Variants in CTNND2 observed in about 807,000 individuals in gnomAD.
CTNND2 encodes the protein catenin delta 2.
CTNND2 carries 22 observed loss-of-function variants against 144.4 expected under a neutral mutation model. That is an observed-to-expected ratio of 0.15 (90% CI 0.11 to 0.22). The LOEUF (loss-of-function observed/expected upper bound fraction) is 0.22, where lower values mean the gene tolerates loss of function less well. CTNND2 is among the 10% of genes least tolerant of loss of function. CTNND2 has a pLI of 1.00. For synonymous variants in CTNND2, 751 were observed against 695.6 expected (o/e 1.08, Z -1.25); for missense variants, 1,353 against 1,618.8 (o/e 0.84, Z 2.82).
At position 11,624,302 on chromosome 5, in the gene CTNND2, A is replaced by G. The variant is rs147308481; in HGVS notation, c.175-59246T>C. Among the ~76,000 whole-genome samples, 268 of 152,274 alleles carry G rather than the reference A, an allele frequency of 1.8e-3. 1 individual carries two copies. The highest frequency in any genetic ancestry group is 3.5e-3 in the Non-Finnish European group (239 of 67,974). ...TTGACCAATACTGAACAGTAGTCACATAAGAACTCTCAGGTCATCTCCTTT... is the reference window on the plus strand; with the variant it reads ...TTGACCAATACTGAACAGTAGTCACGTAAGAACTCTCAGGTCATCTCCTTT... On this transcript the variant is annotated intron_variant, in intron 2 of 21. Transcript: ENST00000304623.
chr5:11,343,643 C>T (rs1435633932), intron 9 of CTNND2, among the ~76,000 whole-genome samples: 7 of 152,082 alleles, frequency 4.6e-5, no homozygotes, highest in African/African-American at 9.7e-5. Flanking sequence ...GATGTAGGTC[C>T]GCACACTCAC....
At chr5:11,690,693 G>A (rs979749207) in intron 2 of CTNND2, among the ~76,000 whole-genome samples, 20 of 128,788 alleles carry the variant, frequency 1.6e-4, no homozygotes, top group Admixed American at 4.0e-4. Context: ...CCGAGATTGC[G>A]CCACTGCAGT....
intron 11 of CTNND2, among the ~76,000 whole-genome samples, chr5:11,169,058 GC>G (rs1759636932): frequency 6.6e-6 from 1 of 152,134 alleles, no homozygotes; most frequent in African/African-American, 2.4e-5. Flanking sequence ...GAACTAGAGA[GC>G]TGGCTTATCA....
intron 3 of CTNND2, among the ~76,000 whole-genome samples, chr5:11,423,796 G>A (rs777220645): frequency 2.6e-5 from 4 of 152,122 alleles, no homozygotes; most frequent in Non-Finnish European, 4.4e-5. Flanking sequence ...CATTTGCTAT[G>A]ATTTTATTAA....
rs546692760 is a variant in CTNND2, at chr5:11,553,618, C to T, written c.287+11326G>A. ...ATTTCAAGGCAAAGCTAGGAAATAT[C>T]ATAAAAACATAACAATGAAATTTAG... is the stretch of plus-strand genomic sequence containing the variant. On this transcript the variant is annotated intron_variant, in intron 3 of 21. Coordinates refer to ENST00000304623, the MANE Select transcript of CTNND2 (RefSeq NM_001332.4). Among the ~76,000 whole-genome samples, 445 of 152,110 alleles carry T rather than the reference C, an allele frequency of 2.9e-3. 2 individuals carry two copies. The highest frequency in any genetic ancestry group is 0.01 in the African/African-American group (428 of 41,522).
intron 9 of CTNND2, among the ~76,000 whole-genome samples, chr5:11,319,420 C>T (rs756509920): frequency 1.2e-4 from 19 of 152,256 alleles, no homozygotes; most frequent in South Asian, 4.1e-4. Context: ...GTCTATTCAA[C>T]GGATATCCTA....
chr5:11,550,223 A>G (rs1208820409), intron 3 of CTNND2, among the ~76,000 whole-genome samples: 1 of 152,206 alleles, frequency 6.6e-6, no homozygotes, highest in Non-Finnish European at 1.5e-5. Flanking sequence ...ATCACTAGTA[A>G]TATGCAGAGC....
intron 3 of CTNND2, among the ~76,000 whole-genome samples, chr5:11,502,232 C>T (rs1008171223): frequency 2.0e-5 from 3 of 152,054 alleles, no homozygotes; most frequent in Non-Finnish European, 4.4e-5. Flanking sequence ...TGAAAATTTG[C>T]TATGAAGTCC....
intron 1 of CTNND2, among the ~76,000 whole-genome samples, chr5:11,736,402 C>T (rs1177694636): frequency 2.6e-5 from 4 of 152,118 alleles, no homozygotes; most frequent in African/African-American, 4.8e-5. Flanking sequence ...ACAGAGCTAC[C>T]GCTACCTAAA....
chr5:11,476,023 C>T (rs1463643458), intron 3 of CTNND2, among the ~76,000 whole-genome samples: 1 of 149,704 alleles, frequency 6.7e-6, no homozygotes, highest in East Asian at 1.9e-4. Flanking sequence ...CCATGCCCGG[C>T]TAATTTTTCT....
At chr5:11,575,401 T>C (rs565347972) in intron 2 of CTNND2, among the ~76,000 whole-genome samples, 1 of 152,316 alleles carries the variant, frequency 6.6e-6, no homozygotes, top group East Asian at 1.9e-4. Context: ...AGATCACTTT[T>C]ATAGCACTTC....
intron 9 of CTNND2, among the ~76,000 whole-genome samples, chr5:11,285,830 G>A (rs560133243): frequency 5.0e-4 from 34 of 67,364 alleles, no homozygotes; most frequent in African/African-American, 1.9e-3. Context: ...AAGCCAGGGG[G>A]TTTATTTCCA....
At position 11,080,703 on chromosome 5, in the gene CTNND2, C is replaced by A. The variant is rs56259346; in HGVS notation, c.2788+1993G>T. ...ATGGATGAACCTGGAGGACATTATG[C>A]TAAGTGAAATGAGCCACTTACATAT... On this transcript the variant is annotated intron_variant, in intron 16 of 21. Coordinates refer to ENST00000304623, the MANE Select transcript of CTNND2 (RefSeq NM_001332.4). Among the ~76,000 whole-genome samples, 85 of 152,320 alleles carry A rather than the reference C, an allele frequency of 5.6e-4. 1 individual carries two copies. Among genetic ancestry groups the A allele is most frequent in the African/African-American group, 1.9e-3 (81 of 41,580 alleles).
intron 16 of CTNND2, among the ~76,000 whole-genome samples, chr5:11,047,325 A>ATG (rs1372281845): frequency 1.3e-5 from 2 of 152,186 alleles, no homozygotes; most frequent in Admixed American, 6.5e-5. Flanking sequence ...CAATCACATC[A>ATG]CATACAGTTC....
At chr5:11,893,824 A>C (rs1360292548) in intron 1 of CTNND2, among the ~76,000 whole-genome samples, 1 of 152,214 alleles carries the variant, frequency 6.6e-6, no homozygotes, top group Non-Finnish European at 1.5e-5. Context: ...CACACAACCC[A>C]TGCTAAACTG....
chr5:11,827,745 CACA>C (rs1418236403), intron 1 of CTNND2, among the ~76,000 whole-genome samples: 5 of 152,156 alleles, frequency 3.3e-5, no homozygotes, highest in East Asian at 3.8e-4. Context: ...AGGGGAATTG[CACA>C]ACAAGTATAA....
intron 1 of CTNND2, among the ~76,000 whole-genome samples, chr5:11,778,723 A>G (rs1200043648): frequency 6.6e-6 from 1 of 152,318 alleles, no homozygotes; most frequent in East Asian, 1.9e-4. Flanking sequence ...TGGAAAAGGA[A>G]AAGGATACTG....
At chr5:11,129,262 A>AATATATATT (rs1755285043) in intron 12 of CTNND2, among the ~76,000 whole-genome samples, 2 of 42,458 alleles carry the variant, frequency 4.7e-5, no homozygotes, top group Non-Finnish European at 7.4e-5. Context: ...TAAAAATATA[A>AATATATATT]ATATATAAAT....
chr5:11,257,459 G>A (rs1197145050), intron 9 of CTNND2, among the ~76,000 whole-genome samples: 3 of 152,198 alleles, frequency 2.0e-5, no homozygotes, highest in African/African-American at 7.2e-5. Context: ...CATCGCCGGG[G>A]AGGCCTCAGG....
Sources: gnomAD v4.1 joint callset for allele counts (sites outside exome capture counted in the v4.1 genomes callset) on GRCh38, gnomAD v4.1.1 for gene constraint, MANE v1.5 for transcripts, NCBI Gene and HGNC (gene_info 2026-07-23, HGNC 2026-07-21) for gene names.